Variants in ANKS4B observed in about 807,000 individuals in gnomAD.
ANKS4B encodes the protein ankyrin repeat and SAM domain-containing protein 4B.
In ANKS4B, 21 loss-of-function variants were observed where a neutral mutation model predicts 20.2. The ratio of observed to expected loss-of-function variants is 1.04; its 90% confidence interval spans 0.74 to 1.50. The LOEUF (loss-of-function observed/expected upper bound fraction) is 1.50, where lower values mean the gene tolerates loss of function less well. ANKS4B is among the 40% of genes most tolerant of loss of function. The pLI is 0.00. For missense variants in ANKS4B, 473 were observed against 494.6 expected, an observed-to-expected ratio of 0.96 and a Z score of 0.41; for synonymous variants, 179 against 194.5, an observed-to-expected ratio of 0.92 and a Z score of 0.66.
At chr16:21,240,141 A>G (rs2093324651) in intron 1 of ANKS4B, among the ~76,000 whole-genome samples, 1 of 152,172 alleles carries the variant, frequency 6.6e-6, no homozygotes, top group African/African-American at 2.4e-5. Context: ...TTTGTTTTTA[A>G]AATTTGAAGA....
rs150113535 is a variant in ANKS4B, at chr16:21,234,041, G to C, written c.164+140G>C. On this transcript the variant is annotated intron_variant, in intron 1 of 1. Transcript: ENST00000311620. ...AAATGATTGGATTTTTAGAGAAAGAGAGAAAACTATGCCTAGAGATGCTCT... is the reference window on the plus strand; with the variant it reads ...AAATGATTGGATTTTTAGAGAAAGACAGAAAACTATGCCTAGAGATGCTCT... The C allele has an allele frequency of 2.1e-4, 191 of 898,356 alleles. No individual in the cohort carries two copies. In the East Asian group the frequency reaches 5.1e-3, roughly 24 times the overall value. 55.6% of individuals were successfully genotyped at this position (898,356 alleles called of 1,614,324 possible). A position where few individuals can be genotyped will look rare whatever the true frequency, so the allele number is the denominator to read the frequency against.
At chr16:21,238,095 G>A (rs932695336) in intron 1 of ANKS4B, among the ~76,000 whole-genome samples, 4 of 152,128 alleles carry the variant, frequency 2.6e-5, no homozygotes, top group South Asian at 2.1e-4. Flanking sequence ...CCTTGAATCC[G>A]GGTGGTGGAG....
In ANKS4B at chr16:21,252,590, C is replaced by T. The variant is rs1269198684; in HGVS notation, c.*1770C>T. On this transcript the variant is annotated 3_prime_UTR_variant, in exon 2 of 2. Coordinates refer to ENST00000311620, the MANE Select transcript of ANKS4B (RefSeq NM_145865.3). ...TTGTAAGGGTAAACACCTAGTGAAA[C>T]TTAAGGGGAAAAAAAACTAAGTTCT... is the stretch of plus-strand genomic sequence containing the variant. The T allele has an allele frequency of 1.3e-5, 2 of 152,004 alleles. No individual in the cohort carries two copies. The highest frequency in any genetic ancestry group is 2.9e-5 in the Non-Finnish European group (2 of 68,012). 9.4% of individuals were successfully genotyped at this position (152,004 alleles called of 1,614,324 possible).
At chr16:21,242,948 T>C (rs905633392) in intron 1 of ANKS4B, among the ~76,000 whole-genome samples, 5 of 152,216 alleles carry the variant, frequency 3.3e-5, no homozygotes, top group African/African-American at 1.2e-4. Flanking sequence ...CAGTATTTCT[T>C]TCCCCATACT....
At chr16:21,237,615 T>A (rs1319268736) in intron 1 of ANKS4B, among the ~76,000 whole-genome samples, 4 of 150,174 alleles carry the variant, frequency 2.7e-5, no homozygotes, top group African/African-American at 9.8e-5. Flanking sequence ...AAAGGCAAAT[T>A]CCCTGTGTCA....
intron 1 of ANKS4B, among the ~76,000 whole-genome samples, chr16:21,243,644 T>C (rs199802740): frequency 6.6e-6 from 1 of 152,180 alleles, no homozygotes; most frequent in Non-Finnish European, 1.5e-5. Context: ...TGATCTCAGC[T>C]CACTGCAAGC....
intron 1 of ANKS4B, among the ~76,000 whole-genome samples, chr16:21,247,069 G>C (rs1311346109): frequency 6.7e-6 from 1 of 148,916 alleles, no homozygotes; most frequent in Non-Finnish European, 1.5e-5. Flanking sequence ...TTTTTGGTTT[G>C]CTTTTTTTTT....
At position 21,250,794 on chromosome 16, in the gene ANKS4B, G is replaced by A; in HGVS notation, c.1228G>A (p.Gly410Arg). Residue 410 changes from glycine (G) to arginine (R), a missense_variant, in exon 2 of 2, where the codon GGG (glycine) becomes AGG (arginine). Transcript: ENST00000311620. ...NRRKQVLQQP[G>R]QLVDTSL ...GAGGAAGCAGGTGCTTCAACAGCCTGGGCAGCTGGTCGACACCAGCCTGTG... is the reference window on the plus strand; with the variant it reads ...GAGGAAGCAGGTGCTTCAACAGCCTAGGCAGCTGGTCGACACCAGCCTGTG... The A allele has an allele frequency of 6.3e-7, 1 of 1,596,740 alleles. No individual in the cohort carries two copies. Among genetic ancestry groups the A allele is most frequent in the Non-Finnish European group, 8.6e-7 (1 of 1,166,560 alleles).
Position 21,245,731 on chromosome 16 carries a change from C to G in ANKS4B, c.165-4000C>G, listed in dbSNP as rs1263854472. Among the ~76,000 whole-genome samples the G allele has an allele frequency of 2.0e-5, 3 of 152,240 alleles. No homozygotes were observed. In the East Asian group the frequency reaches 5.8e-4, roughly 29 times the overall value. On this transcript the variant is annotated intron_variant, in intron 1 of 1. Transcript: ENST00000311620. ...CCACCAGCCTCGGCCTCCCAAAGTGCTGGGATTATAGGCATGAGCCACCTC... is the reference window on the plus strand; with the variant it reads ...CCACCAGCCTCGGCCTCCCAAAGTGGTGGGATTATAGGCATGAGCCACCTC...
At chr16:21,243,698 A>G (rs2152859628) in intron 1 of ANKS4B, among the ~76,000 whole-genome samples, 1 of 152,216 alleles carries the variant, frequency 6.6e-6, no homozygotes, top group Non-Finnish European at 1.5e-5. Context: ...CAGCCTCCCG[A>G]GTAGCTGGGA....
chr16:21,247,690 C>T (rs2093334086), intron 1 of ANKS4B, among the ~76,000 whole-genome samples: 1 of 152,206 alleles, frequency 6.6e-6, no homozygotes, highest in African/African-American at 2.4e-5. Context: ...AAAATAGTTA[C>T]TCGACTTTTT....
intron 1 of ANKS4B, among the ~76,000 whole-genome samples, chr16:21,244,527 G>GAATAAATTT (rs141970928): frequency 0.21 from 32,059 of 151,998 alleles, 3,496 homozygotes; most frequent in Middle Eastern, 0.3. Flanking sequence ...CCCCCCTGCA[G>GAATAAATTT]CTCACTCCTC....
At chr16:21,236,891 T>A (rs1371401758) in intron 1 of ANKS4B, among the ~76,000 whole-genome samples, 1 of 152,168 alleles carries the variant, frequency 6.6e-6, no homozygotes, top group East Asian at 1.9e-4. Flanking sequence ...TTCTATAAAT[T>A]TCAGGGACTT....
intron 1 of ANKS4B, among the ~76,000 whole-genome samples, chr16:21,236,938 A>G (rs1259712084): frequency 6.6e-6 from 1 of 152,046 alleles, no homozygotes; most frequent in Non-Finnish European, 1.5e-5. Flanking sequence ...TTCTTAGCCA[A>G]CCCCTCTTTT....
At chr16:21,243,564 T>TTTTG (rs2093328799) in intron 1 of ANKS4B, among the ~76,000 whole-genome samples, 1 of 152,130 alleles carries the variant, frequency 6.6e-6, no homozygotes, top group Non-Finnish European at 1.5e-5. Context: ...TTTTGCAAGT[T>TTTTG]TTTTGTTTTG....
intron 1 of ANKS4B, among the ~76,000 whole-genome samples, chr16:21,242,578 C>A (rs1429081868): frequency 6.6e-6 from 1 of 152,208 alleles, no homozygotes; most frequent in African/African-American, 2.4e-5. Context: ...TACTGTCCTC[C>A]AGGCTCATCC....
intron 1 of ANKS4B, among the ~76,000 whole-genome samples, chr16:21,242,478 G>T (rs535890134): frequency 6.6e-6 from 1 of 152,148 alleles, no homozygotes; most frequent in East Asian, 1.9e-4. Context: ...GAGCCACTGC[G>T]CCCAGCCTCT....
At chr16:21,236,826 TGTATATAG>T (rs2093320790) in intron 1 of ANKS4B, among the ~76,000 whole-genome samples, 1 of 152,206 alleles carries the variant, frequency 6.6e-6, no homozygotes. Flanking sequence ...GCTACTAAGA[TGTATATAG>T]TTCTCTCTAT....
intron 1 of ANKS4B, among the ~76,000 whole-genome samples, chr16:21,239,448 G>GCA (rs149808882): frequency 0.015 from 2,290 of 152,228 alleles, 65 homozygotes; most frequent in African/African-American, 0.052. Context: ...GGGCGTGGTG[G>GCA]CACACACCTG....
Sources: gnomAD v4.1 joint callset for allele counts (sites outside exome capture counted in the v4.1 genomes callset) on GRCh38, gnomAD v4.1.1 for gene constraint, MANE v1.5 for transcripts, NCBI Gene and HGNC (gene_info 2026-07-23, HGNC 2026-07-21) for gene names.